The following ATXN1 variants were observed in gnomAD, a reference collection of about 807,000 sequenced individuals.
ATXN1 encodes ataxin 1.
In ATXN1, 8 loss-of-function variants were observed where a neutral mutation model predicts 56.4. That is an observed-to-expected ratio of 0.14 (90% CI 0.08 to 0.26). The LOEUF (loss-of-function observed/expected upper bound fraction) is 0.26, where lower values mean the gene tolerates loss of function less well. Among genes scored for constraint, ATXN1 ranks in the 10% least tolerant of loss-of-function variants. The pLI, the probability that ATXN1 is intolerant of heterozygous loss-of-function variation, is 1.00. For synonymous variants in ATXN1, 514 were observed against 494.6 expected (o/e 1.04, Z -0.52); for missense variants, 987 against 1,106.5 (o/e 0.89, Z 1.53).
chr6:16,442,092 G>T (rs538143063), intron 6 of ATXN1, among the ~76,000 whole-genome samples: 3 of 152,172 alleles, frequency 2.0e-5, no homozygotes, highest in Non-Finnish European at 4.4e-5. Context: ...CAGGTAAAAT[G>T]ACTGAGTTAC....
At chr6:16,460,567 A>T (rs1157078282) in intron 6 of ATXN1, among the ~76,000 whole-genome samples, 1 of 152,172 alleles carries the variant, frequency 6.6e-6, no homozygotes, top group Non-Finnish European at 1.5e-5. Flanking sequence ...TCATTCAGGG[A>T]CTGGTGCTTG....
At chr6:16,569,220 A>T (rs1490446593) in intron 4 of ATXN1, among the ~76,000 whole-genome samples, 3 of 152,160 alleles carry the variant, frequency 2.0e-5, no homozygotes, top group African/African-American at 7.2e-5. Flanking sequence ...GTGGTTTAAA[A>T]GATGAAGAGT....
intron 4 of ATXN1, among the ~76,000 whole-genome samples, chr6:16,553,936 T>G (rs1561752373): frequency 6.6e-6 from 1 of 152,214 alleles, no homozygotes; most frequent in Non-Finnish European, 1.5e-5. Flanking sequence ...AGGCAAAGCC[T>G]AAAGCATTTA....
At chr6:16,455,670 C>T (rs574189151) in intron 6 of ATXN1, among the ~76,000 whole-genome samples, 2 of 152,276 alleles carry the variant, frequency 1.3e-5, no homozygotes, top group African/African-American at 4.8e-5. Flanking sequence ...AACTGTGGTA[C>T]ATCCATACAA....
At chr6:16,421,815 T>C (rs11965783) in intron 6 of ATXN1, among the ~76,000 whole-genome samples, 1 of 151,916 alleles carries the variant, frequency 6.6e-6, no homozygotes, top group African/African-American at 2.4e-5. Flanking sequence ...CAGGCGTGAG[T>C]GTGTACACAG....
At chr6:16,539,407 TAC>T (rs1179978866) in intron 4 of ATXN1, among the ~76,000 whole-genome samples, 1 of 152,130 alleles carries the variant, frequency 6.6e-6, no homozygotes, top group Non-Finnish European at 1.5e-5. Flanking sequence ...GACGATATTA[TAC>T]ACAGTCATGG....
At chr6:16,530,503 C>T (rs1761482793) in intron 4 of ATXN1, among the ~76,000 whole-genome samples, 1 of 152,126 alleles carries the variant, frequency 6.6e-6, no homozygotes, top group East Asian at 1.9e-4. Context: ...AAAAGGTAAC[C>T]TCTTAGCAGA....
At chr6:16,609,153 C>T (rs143138436) in intron 3 of ATXN1, among the ~76,000 whole-genome samples, 5 of 152,164 alleles carry the variant, frequency 3.3e-5, no homozygotes, top group Non-Finnish European at 7.3e-5. Flanking sequence ...TGAGAAGAAA[C>T]AAGAAGAGAT....
At chr6:16,466,711 C>A (rs1760116219) in intron 6 of ATXN1, among the ~76,000 whole-genome samples, 1 of 150,650 alleles carries the variant, frequency 6.6e-6, no homozygotes, top group African/African-American at 2.4e-5. Flanking sequence ...ATATATATAT[C>A]CATAGAAAAT....
chr6:16,382,903 AG>A (rs1758160003), intron 6 of ATXN1, among the ~76,000 whole-genome samples: 1 of 29,416 alleles, frequency 3.4e-5, no homozygotes, highest in South Asian at 1.2e-3. Flanking sequence ...GGTGAATGGG[AG>A]GGGGGGAGTG....
chr6:16,748,707 G>T (rs934424781), intron 2 of ATXN1, among the ~76,000 whole-genome samples: 8 of 152,226 alleles, frequency 5.3e-5, no homozygotes, highest in East Asian at 1.9e-4. Context: ...AGACAAGAAC[G>T]ATCTGCCCCT....
chr6:16,754,733 TC>T (rs1225428383), intron 1 of ATXN1: 1 of 152,226 alleles, frequency 6.6e-6, no homozygotes, highest in African/African-American at 2.4e-5. Flanking sequence ...GTCCTTGGTT[TC>T]CCCACATGTG....
rs1760265948 is a variant in ATXN1, at chr6:16,306,913, C to T, written c.1918-54G>A. On this transcript the variant is annotated intron_variant, in intron 7 of 7. Coordinates refer to ENST00000436367, the MANE Select transcript of ATXN1 (RefSeq NM_001128164.2). This position sits in a 1 kb window ranked among gnomAD's most constrained non-coding sequence, Gnocchi z 5.2. ...GAAGAAGGAAGGGAACAAATGAAAA[C>T]ATTTTATTCTTGTTTGATTTTATGC... The T allele has an allele frequency of 1.3e-6, 2 of 1,515,784 alleles. No individual in the cohort carries two copies. The highest frequency in any genetic ancestry group is 1.3e-5 in the South Asian group (1 of 79,402). 93.9% of individuals were successfully genotyped at this position (1,515,784 alleles called of 1,614,324 possible).
At chr6:16,578,200 TA>T (rs1561763761) in intron 4 of ATXN1, among the ~76,000 whole-genome samples, 1 of 152,220 alleles carries the variant, frequency 6.6e-6, no homozygotes, top group Non-Finnish European at 1.5e-5. Flanking sequence ...CTGGTTAAAC[TA>T]AAATGCCCAG....
At chr6:16,587,930 T>TAA (rs774400213) in intron 3 of ATXN1, among the ~76,000 whole-genome samples, 1,363 of 128,886 alleles carry the variant, frequency 0.011, 19 homozygotes, top group East Asian at 0.083. Flanking sequence ...GAACTCTGTC[T>TAA]AAAAAAAAAA....
At chr6:16,482,906 T>C (rs1315465689) in intron 6 of ATXN1, among the ~76,000 whole-genome samples, 4 of 152,216 alleles carry the variant, frequency 2.6e-5, no homozygotes, top group African/African-American at 9.7e-5. Context: ...AAACGTTCAA[T>C]TGGCCTCATC....
At chr6:16,550,158 A>C (rs1283946644) in intron 4 of ATXN1, among the ~76,000 whole-genome samples, 10 of 124,942 alleles carry the variant, frequency 8.0e-5, no homozygotes, top group Non-Finnish European at 1.3e-4. Flanking sequence ...TAAAATACAA[A>C]AAAAAAAAAA....
chr6:16,394,254 G>A (rs547833669), intron 6 of ATXN1, among the ~76,000 whole-genome samples: 6 of 152,214 alleles, frequency 3.9e-5, no homozygotes, highest in South Asian at 2.1e-4. Context: ...ACTCCTTCCC[G>A]GTCACGTGCA....
intron 6 of ATXN1, among the ~76,000 whole-genome samples, chr6:16,355,821 C>T (rs1004746918): frequency 2.6e-5 from 4 of 152,180 alleles, no homozygotes; most frequent in South Asian, 2.1e-4. Context: ...GCCTTGGCCT[C>T]CCAAAGTGCT....
Sources: allele counts gnomAD v4.1 joint callset (sites outside exome capture counted in the v4.1 genomes callset), GRCh38; gene constraint gnomAD v4.1.1; non-coding constraint Gnocchi (gnomAD v3.1); transcripts MANE v1.5; gene names NCBI Gene and HGNC (gene_info 2026-07-23, HGNC 2026-07-21).